The following MBD5 variants were observed in gnomAD, a reference collection of about 807,000 sequenced individuals.
The protein encoded by MBD5 is methyl-CpG binding domain protein 5, also known as methyl-CpG-binding domain protein 5.
In MBD5, 13 loss-of-function variants were observed where a neutral mutation model predicts 117.3. The observed-to-expected ratio is 0.11, with a 90% CI of 0.07 to 0.18. The LOEUF (loss-of-function observed/expected upper bound fraction) is 0.18, where lower values mean the gene tolerates loss of function less well. Among genes scored for constraint, MBD5 ranks in the 10% least tolerant of loss-of-function variants. MBD5 has a pLI of 1.00. For missense variants in MBD5, 1,879 were observed against 2,093.8 expected, an observed-to-expected ratio of 0.90 and a Z score of 2.00; for synonymous variants, 727 against 766.4, an observed-to-expected ratio of 0.95 and a Z score of 0.85.
At chr2:148,396,290 A>G (rs149828028) in intron 4 of MBD5, among the ~76,000 whole-genome samples, 1 of 152,306 alleles carries the variant, frequency 6.6e-6, no homozygotes, top group African/African-American at 2.4e-5. Context: ...TTAGTGAGCT[A>G]GAGCCAGAGC....
At chr2:148,496,782 G>T (rs1388169262) in intron 11 of MBD5, among the ~76,000 whole-genome samples, 3 of 152,106 alleles carry the variant, frequency 2.0e-5, no homozygotes, top group Admixed American at 6.5e-5. Context: ...CACCGAAAAA[G>T]GCCTCAGATA....
At chr2:148,050,205 G>A (rs945301846) in intron 1 of MBD5, among the ~76,000 whole-genome samples, 1 of 151,996 alleles carries the variant, frequency 6.6e-6, no homozygotes. Context: ...CACTTGTTGT[G>A]TCTTTTTTGT....
intron 4 of MBD5, among the ~76,000 whole-genome samples, chr2:148,441,804 GGT>G (rs1171183818): frequency 1.3e-5 from 2 of 152,146 alleles, no homozygotes; most frequent in South Asian, 2.1e-4. Context: ...CATTCTAACT[GGT>G]GTGAGATGGT....
chr2:148,211,135 G>T (rs918653190), intron 2 of MBD5, among the ~76,000 whole-genome samples: 2 of 152,272 alleles, frequency 1.3e-5, no homozygotes, highest in East Asian at 1.9e-4. Flanking sequence ...GGACGCAAAT[G>T]AATTGAGATA....
At chr2:148,077,825 C>T (rs1695543597) in intron 1 of MBD5, among the ~76,000 whole-genome samples, 1 of 152,044 alleles carries the variant, frequency 6.6e-6, no homozygotes, top group Non-Finnish European at 1.5e-5. Context: ...GGGTGAACAA[C>T]AGGAAGGAAA....
At chr2:148,399,144 G>T (rs905606678) in intron 4 of MBD5, among the ~76,000 whole-genome samples, 18 of 152,220 alleles carry the variant, frequency 1.2e-4, no homozygotes, top group South Asian at 4.1e-4. Flanking sequence ...GGACTCTTTT[G>T]TGGTTCCATA....
intron 2 of MBD5, among the ~76,000 whole-genome samples, chr2:148,226,979 ATTTG>A (rs1699841439): frequency 6.6e-6 from 1 of 152,136 alleles, no homozygotes; most frequent in East Asian, 1.9e-4. Flanking sequence ...TTTCTTGTAA[ATTTG>A]TTTGAGTTAA....
intron 2 of MBD5, among the ~76,000 whole-genome samples, chr2:148,226,143 A>G (rs1043658069): frequency 3.3e-5 from 5 of 151,352 alleles, no homozygotes; most frequent in Non-Finnish European, 1.5e-5. Context: ...TTTAAGTTTT[A>G]GGGTACATTT....
chr2:148,072,330 T>C (rs1192658859), intron 1 of MBD5, among the ~76,000 whole-genome samples: 2 of 152,154 alleles, frequency 1.3e-5, no homozygotes, highest in Non-Finnish European at 2.9e-5. Flanking sequence ...TCTGACACAA[T>C]GCCATCCAGT....
At chr2:148,093,420 C>T (rs1183698080) in intron 1 of MBD5, among the ~76,000 whole-genome samples, 2 of 152,148 alleles carry the variant, frequency 1.3e-5, no homozygotes, top group Non-Finnish European at 2.9e-5. Context: ...TTGATTTTTA[C>T]AGACAGCTGT....
At chr2:148,191,063 T>A (rs1558965610) in intron 2 of MBD5, among the ~76,000 whole-genome samples, 1 of 142,112 alleles carries the variant, frequency 7.0e-6, no homozygotes. Context: ...CTAACTATCC[T>A]AAATATTTAT....
intron 2 of MBD5, among the ~76,000 whole-genome samples, chr2:148,226,060 CCTTCT>C (rs1262180937): frequency 6.6e-6 from 1 of 151,950 alleles, no homozygotes; most frequent in East Asian, 1.9e-4. Context: ...TCTTTCTCTA[CCTTCT>C]CTTCAAGGCC....
chr2:148,285,824 G>T (rs1001685826), intron 3 of MBD5, among the ~76,000 whole-genome samples: 1 of 152,072 alleles, frequency 6.6e-6, no homozygotes, highest in Non-Finnish European at 1.5e-5. Flanking sequence ...CTCCCAAAGT[G>T]CCGGGATTAC....
chr2:148,432,574 C>T (rs949249236), intron 4 of MBD5, among the ~76,000 whole-genome samples: 3 of 151,994 alleles, frequency 2.0e-5, no homozygotes, highest in Admixed American at 6.6e-5. Flanking sequence ...CAGTTTCAAT[C>T]TTCTGCATAT....
At chr2:148,306,921 AAAAT>A (rs1195798672) in intron 3 of MBD5, among the ~76,000 whole-genome samples, 2 of 152,212 alleles carry the variant, frequency 1.3e-5, no homozygotes, top group East Asian at 3.8e-4. Context: ...ATAGAAATAG[AAAAT>A]AAATAAGCTT....
At chr2:148,324,221 T>C (rs1384946909) in intron 3 of MBD5, among the ~76,000 whole-genome samples, 1 of 152,210 alleles carries the variant, frequency 6.6e-6, no homozygotes, top group Non-Finnish European at 1.5e-5. Context: ...TTGGTACCAG[T>C]ACCATGCTGT....
intron 8 of MBD5, 137 bp downstream of exon 8, chr2:148,470,598 A>C (rs1680765072): frequency 2.8e-6 from 2 of 723,950 alleles, no homozygotes; most frequent in African/African-American, 3.6e-5. Context: ...TTTAGTATTT[A>C]TAATTTTATT....
Position 148,091,303 on chromosome 2 carries a change from AC to A in MBD5, c.-925+69620del, listed in dbSNP as rs1289035147. Among the ~76,000 whole-genome samples the A allele has an allele frequency of 2.6e-5, 4 of 152,248 alleles. No individual in the cohort carries two copies. In the Middle Eastern group the frequency reaches 0.01, roughly 388 times the overall value. On this transcript the variant is annotated intron_variant, in intron 1 of 13. Transcript: ENST00000642680. ...ATCATTCTTCACAGAACTAGAAAAA[AC>A]AATCCTCAAATTCATATAGAACCAA...
At chr2:148,294,382 G>A (rs563318691) in intron 3 of MBD5, among the ~76,000 whole-genome samples, 13 of 150,850 alleles carry the variant, frequency 8.6e-5, no homozygotes, top group East Asian at 3.9e-4. Context: ...CCGCCACCAC[G>A]CCCGGCTAAT....
Sources: gnomAD v4.1 joint callset for allele counts (sites outside exome capture counted in the v4.1 genomes callset) on GRCh38, gnomAD v4.1.1 for gene constraint, MANE v1.5 for transcripts, NCBI Gene and HGNC (gene_info 2026-07-23, HGNC 2026-07-21) for gene names.